EIF3D: variants seen among roughly 807,000 people sequenced by gnomAD.
The protein encoded by EIF3D is eIF3 p66.
In EIF3D, 10 loss-of-function variants were observed where a neutral mutation model predicts 75.4. The observed-to-expected ratio is 0.13, with a 90% CI of 0.08 to 0.22. EIF3D has a LOEUF of 0.22. EIF3D is among the 10% of genes least tolerant of loss of function. The pLI is 1.00. For synonymous variants in EIF3D, 246 were observed against 248.3 expected, an observed-to-expected ratio of 0.99 and a Z score of 0.09; for missense variants, 394 against 708.0, an observed-to-expected ratio of 0.56 and a Z score of 5.03.
intron 13 of EIF3D, among the ~76,000 whole-genome samples, chr22:36,512,251 T>G (rs1934351795): frequency 6.6e-6 from 1 of 152,186 alleles, no homozygotes; most frequent in Non-Finnish European, 1.5e-5. Flanking sequence ...GTTCTGGATT[T>G]CATTGACACC....
At chr22:36,512,375 G>A in intron 13 of EIF3D, 85 bp downstream of exon 13, 3 of 1,558,834 alleles carry the variant, frequency 1.9e-6, no homozygotes, top group Non-Finnish European at 2.6e-6. Flanking sequence ...CAATTGTCCA[G>A]TACACGGGGA....
chr22:36,516,886 G>C, intron 10 of EIF3D, 96 bp from the exon 11 acceptor site: 1 of 1,199,850 alleles, frequency 8.3e-7, no homozygotes, highest in Non-Finnish European at 1.2e-6. Flanking sequence ...TTGCAGCCCT[G>C]GCCAGGTTCC....
chr22:36,524,032 A>G (rs942577636), intron 4 of EIF3D, 52 bp from the exon 5 acceptor site: 1 of 1,579,224 alleles, frequency 6.3e-7, no homozygotes, highest in South Asian at 1.1e-5. Context: ...TTTGGCTCAC[A>G]ATAGGCAGAA....
At chr22:36,527,875 G>A (rs1157562167) in intron 1 of EIF3D, among the ~76,000 whole-genome samples, 3 of 152,252 alleles carry the variant, frequency 2.0e-5, no homozygotes, top group Non-Finnish European at 2.9e-5. Context: ...GCTGAACTTA[G>A]TAAACTCTCC....
In EIF3D at chr22:36,523,748, GC is replaced by G; in HGVS notation, c.392+146del. ...CCATGAACCAGCCTGAGAACGACAA[GC>G]TAAAAGGGGGCTTAACTGGTTGTAG... On this transcript the variant is annotated intron_variant, in intron 5 of 14. Transcript: ENST00000216190. The G allele has an allele frequency of 1.2e-5, 9 of 753,624 alleles. 1 individual carries two copies. The South Asian group carries it at 1.4e-4, about 12-fold the overall frequency. The allele number at this position is 753,624 out of a possible 1,614,324, so 46.7% of individuals were successfully genotyped here.
At chr22:36,517,583 A>G (rs538228851) in intron 9 of EIF3D, 152 bp from the exon 10 acceptor site, 132 of 802,100 alleles carry the variant, frequency 1.6e-4, no homozygotes, top group Non-Finnish European at 2.2e-4. Context: ...TGTGGAACAC[A>G]TAAGCGGGGG....
At chr22:36,522,087 C>T (rs1934522929) in intron 6 of EIF3D, among the ~76,000 whole-genome samples, 1 of 152,014 alleles carries the variant, frequency 6.6e-6, no homozygotes, top group Non-Finnish European at 1.5e-5. Flanking sequence ...GGCGCAGTGG[C>T]TCATGGCTGT....
intron 3 of EIF3D, among the ~76,000 whole-genome samples, chr22:36,525,051 T>C (rs761068138): frequency 6.6e-5 from 10 of 152,172 alleles, no homozygotes; most frequent in Non-Finnish European, 1.3e-4. Context: ...GAGGTATTTA[T>C]TGCTAACCAC....
At chr22:36,516,237 C>T (rs16996836) in intron 12 of EIF3D, 19,760 of 422,078 alleles carry the variant, frequency 0.047, 677 homozygotes, top group African/African-American at 0.13. Context: ...CTGGTTCCTG[C>T]GTAAAAAATA....
Position 36,520,653 on chromosome 22 carries a change from A to G in EIF3D, c.501T>C (p.Asp167=). The G allele has an allele frequency of 6.2e-7, 1 of 1,613,298 alleles. No individual in the cohort carries two copies. The highest frequency in any genetic ancestry group is 1.1e-5 in the South Asian group (1 of 91,062). ...PRDSSVEVRS[D]WEVKEEMDFP... ...AATCCATTTCCTCTTTCACTTCCCA[A>G]TCACTACGAACTTCAACTGAAGAGT... Residue 167 remains aspartate, a synonymous_variant, in exon 7 of 15, where the codon GAT becomes GAC. Transcript: ENST00000216190.
intron 1 of EIF3D, among the ~76,000 whole-genome samples, chr22:36,526,613 C>CTTTTTTTTTTTTTTTTT (rs542035473): frequency 6.9e-6 from 1 of 145,734 alleles, no homozygotes; most frequent in Admixed American, 6.9e-5. Flanking sequence ...TTCTTTCTTT[C>CTTTTTTTTTTTTTTTTT]TTTTTTTTTT....
At chr22:36,527,414 G>A (rs963752115) in intron 1 of EIF3D, among the ~76,000 whole-genome samples, 26 of 152,180 alleles carry the variant, frequency 1.7e-4, no homozygotes, top group Admixed American at 1.7e-3. Flanking sequence ...GCCCTCTTGG[G>A]AATTAAAAAA....
chr22:36,517,478 G>A, intron 9 of EIF3D, 47 bp from the exon 10 acceptor site: 2 of 1,579,564 alleles, frequency 1.3e-6, no homozygotes, highest in Non-Finnish European at 1.7e-6. Flanking sequence ...AAGAGTCACT[G>A]ACAATGTGCG....
chr22:36,518,692 T>A, intron 9 of EIF3D, 71 bp downstream of exon 9: 2 of 1,575,284 alleles, frequency 1.3e-6, no homozygotes, highest in Non-Finnish European at 1.7e-6. Context: ...CATTCTCTAG[T>A]ACCAGAGACT....
At chr22:36,523,042 A>G in intron 6 of EIF3D, 167 bp downstream of exon 6, 1 of 612,928 alleles carries the variant, frequency 1.6e-6, no homozygotes, top group Non-Finnish European at 3.0e-6. Context: ...GATTCTTTTG[A>G]GGGTGATGAA....
At chr22:36,512,358 T>C in intron 13 of EIF3D, 102 bp downstream of exon 13, 2 of 1,500,924 alleles carry the variant, frequency 1.3e-6, no homozygotes, top group Non-Finnish European at 1.8e-6. Context: ...GATTTATCTC[T>C]GCCAGTCAAT....
rs12170613 is a variant in EIF3D, at chr22:36,524,968, G to T, written c.170-236C>A. Among the ~76,000 whole-genome samples the T allele has an allele frequency of 4.1e-3, 627 of 152,260 alleles. 6 individuals carry two copies. The highest frequency in any genetic ancestry group is 0.014 in the African/African-American group (588 of 41,544). On this transcript the variant is annotated intron_variant, in intron 3 of 14. Coordinates refer to ENST00000216190, the MANE Select transcript of EIF3D (RefSeq NM_003753.4). Reference sequence around the variant, plus strand: ...CAATTTTGAACAACTCTGGCCTAAAGAACTTTCTAAGCCAAGAATCTGAAG... The same window carrying T: ...CAATTTTGAACAACTCTGGCCTAAATAACTTTCTAAGCCAAGAATCTGAAG...
chr22:36,512,130 T>C (rs1005291164), intron 13 of EIF3D, among the ~76,000 whole-genome samples: 2 of 152,178 alleles, frequency 1.3e-5, no homozygotes, highest in African/African-American at 4.8e-5. Context: ...GACCTCGTGA[T>C]CTGCCAGCCT....
Position 36,525,723 on chromosome 22 carries a change from G to T in EIF3D, c.124-14C>A. On this transcript the variant is annotated splice_polypyrimidine_tract_variant and intron_variant, in intron 2 of 14. Coordinates refer to ENST00000216190, the MANE Select transcript of EIF3D (RefSeq NM_003753.4). ...CCAGTCTGCAACCTACGAAGAACAA[G>T]AAAAGACAGAGAATGCACAGGTCAA... 1 of 1,609,886 alleles carries T rather than the reference G, an allele frequency of 6.2e-7. No individual in the cohort carries two copies. Among genetic ancestry groups the T allele is most frequent in the Non-Finnish European group, 8.5e-7 (1 of 1,179,100 alleles).
Sources: allele counts gnomAD v4.1 joint callset (sites outside exome capture counted in the v4.1 genomes callset), GRCh38; gene constraint gnomAD v4.1.1; transcripts MANE v1.5; gene names NCBI Gene and HGNC (gene_info 2026-07-23, HGNC 2026-07-21).